The following YLPM1 variants were observed in gnomAD, a reference collection of about 807,000 sequenced individuals.
The protein encoded by YLPM1 is YLP motif containing 1.
Under a neutral mutation model 230.0 loss-of-function variants are expected in YLPM1, and 99 were observed. The observed-to-expected ratio is 0.43, with a 90% CI of 0.37 to 0.51. YLPM1 has a LOEUF of 0.51. Among genes scored for constraint, YLPM1 ranks in the 20% least tolerant of loss-of-function variants. The pLI, the probability that YLPM1 is intolerant of heterozygous loss-of-function variation, is 0.00. For synonymous variants in YLPM1, 984 were observed against 942.5 expected (o/e 1.04, Z -0.81); for missense variants, 2,592 against 2,707.7 (o/e 0.96, Z 0.95).
chr14:74,803,165 C>G (rs991325593), intron 6 of YLPM1, among the ~76,000 whole-genome samples: 7 of 151,744 alleles, frequency 4.6e-5, no homozygotes, highest in African/African-American at 1.7e-4. Flanking sequence ...TGCTTCCTAC[C>G]TCTTCAGGCT....
intron 15 of YLPM1, 103 bp from the exon 16 acceptor site, chr14:74,818,128 T>A: frequency 2.0e-6 from 1 of 512,218 alleles, no homozygotes; most frequent in Non-Finnish European, 3.1e-6. Context: ...TAATTAATAT[T>A]TAACAATATT....
chr14:74,784,037 C>T (rs1346088731), intron 4 of YLPM1, among the ~76,000 whole-genome samples: 3 of 152,210 alleles, frequency 2.0e-5, no homozygotes, highest in African/African-American at 7.2e-5. Flanking sequence ...CAAGCCTATA[C>T]TGTCAGTGCT....
At chr14:74,789,543 T>G (rs534678102) in intron 4 of YLPM1, among the ~76,000 whole-genome samples, 1 of 152,012 alleles carries the variant, frequency 6.6e-6, no homozygotes, top group Non-Finnish European at 1.5e-5. Context: ...AAGGGCCAGG[T>G]GGTAAATATT....
At chr14:74,779,457 C>T (rs777925846) in intron 2 of YLPM1, among the ~76,000 whole-genome samples, 1 of 152,122 alleles carries the variant, frequency 6.6e-6, no homozygotes, top group Non-Finnish European at 1.5e-5. Flanking sequence ...TAATTCTTGT[C>T]ACTCAGCTTA....
Position 74,763,416 on chromosome 14 carries a change from C to A in YLPM1, c.-74C>A. On this transcript the variant is annotated 5_prime_UTR_variant, in exon 1 of 21. Coordinates refer to ENST00000325680, the MANE Select transcript of YLPM1 (RefSeq NM_019589.3). Reference sequence around the variant, plus strand: ...CGCCGCGAGTTCCGGCTGTCGCCGTCGCCGCCGCGGCTCCTGGAGGTCGGT... The same window carrying A: ...CGCCGCGAGTTCCGGCTGTCGCCGTAGCCGCCGCGGCTCCTGGAGGTCGGT... 7.3e-7 allele frequency: 1 copy of A among 1,373,558 alleles called. No homozygotes were observed. Among genetic ancestry groups the A allele is most frequent in the Non-Finnish European group, 9.5e-7 (1 of 1,056,236 alleles). The allele number at this position is 1,373,558 out of a possible 1,614,324, so 85.1% of individuals were successfully genotyped here.
chr14:74,778,261 G>A (rs1227701718), intron 1 of YLPM1, among the ~76,000 whole-genome samples, 186 bp from the exon 2 acceptor site: 1 of 152,130 alleles, frequency 6.6e-6, no homozygotes, highest in Non-Finnish European at 1.5e-5. Flanking sequence ...ATTTGGGGGA[G>A]GAACTGAAAT....
At chr14:74,811,027 A>C (rs569361947) in intron 9 of YLPM1, among the ~76,000 whole-genome samples, 1 of 151,844 alleles carries the variant, frequency 6.6e-6, no homozygotes, top group South Asian at 2.1e-4. Context: ...TGGTTTCACC[A>C]TGTTGCCCAG....
Position 74,799,052 on chromosome 14 carries a change from C to T in YLPM1, c.3755C>T (p.Pro1252Leu), listed in dbSNP as rs1431029689. Residue 1252 changes from proline to leucine, a missense_variant, in exon 5 of 21, where the codon CCA becomes CTA. This residue lies in a region of YLPM1 where 1,862 missense variants were observed against 1,819.8 expected (regional missense o/e 1.02). Coordinates refer to ENST00000325680, the MANE Select transcript of YLPM1 (RefSeq NM_019589.3). ...AGAGAGGACAGGTTCTCAGCACCACCATCTCGGTCTCATGATGGAGATAGG... is the reference window on the plus strand; with the variant it reads ...AGAGAGGACAGGTTCTCAGCACCACTATCTCGGTCTCATGATGGAGATAGG... ...YNREDRFSAPPSRSHDGDRRG... is the reference protein window; with the variant it reads ...YNREDRFSAPLSRSHDGDRRG... 3.7e-6 allele frequency: 6 copies of T among 1,613,848 alleles called. No individual in the cohort carries two copies. Among genetic ancestry groups the T allele is most frequent in the Non-Finnish European group, 5.1e-6 (6 of 1,179,888 alleles).
At chr14:74,831,289 C>T (rs540064488) in intron 19 of YLPM1, among the ~76,000 whole-genome samples, 1 of 152,244 alleles carries the variant, frequency 6.6e-6, no homozygotes, top group East Asian at 1.9e-4. Flanking sequence ...TTTTAAAATA[C>T]TGCAGATACT....
intron 18 of YLPM1, 146 bp from the exon 19 acceptor site, chr14:74,829,067 A>G: frequency 1.2e-6 from 1 of 822,478 alleles, no homozygotes. Context: ...CTCAGCCAAG[A>G]AGATAGTTTG....
chr14:74,779,684 C>G (rs2091074540), intron 2 of YLPM1, among the ~76,000 whole-genome samples: 2 of 150,478 alleles, frequency 1.3e-5, no homozygotes, highest in Non-Finnish European at 1.5e-5. Context: ...CTCTGTTGCC[C>G]AGGCTGGAGT....
intron 6 of YLPM1, among the ~76,000 whole-genome samples, chr14:74,804,097 C>T (rs985058136): frequency 5.3e-5 from 8 of 152,154 alleles, no homozygotes; most frequent in African/African-American, 1.7e-4. Flanking sequence ...GTAGAGGTTG[C>T]GGTGAGCCGA....
At chr14:74,834,314 T>C (rs957817580) in intron 19 of YLPM1, among the ~76,000 whole-genome samples, 3 of 152,184 alleles carry the variant, frequency 2.0e-5, no homozygotes, top group Admixed American at 2.0e-4. Context: ...TTGCCATGAA[T>C]TATATCAGTT....
In YLPM1 at chr14:74,810,435, A is replaced by G; in HGVS notation, c.5228+15A>G. On this transcript the variant is annotated intron_variant, in intron 9 of 20. Transcript: ENST00000325680. The stretch of plus-strand genomic sequence containing the variant: ...CGAGATGATAGGTATGCTATAAAAC[A>G]ATCTTTGCTAGGTGTACAAATTACT... The G allele has an allele frequency of 6.2e-7, 1 of 1,611,868 alleles. No individual in the cohort carries two copies. The highest frequency in any genetic ancestry group is 8.5e-7 in the Non-Finnish European group (1 of 1,178,870).
chr14:74,774,838 C>T (rs1485358715), intron 1 of YLPM1, among the ~76,000 whole-genome samples: 1 of 152,204 alleles, frequency 6.6e-6, no homozygotes, highest in Non-Finnish European at 1.5e-5. Flanking sequence ...GCCACTGCAC[C>T]TGGCCGAGGA....
chr14:74,776,096 A>G (rs1350930259), intron 1 of YLPM1, among the ~76,000 whole-genome samples: 1 of 152,166 alleles, frequency 6.6e-6, no homozygotes, highest in African/African-American at 2.4e-5. Flanking sequence ...ACCATGGGAA[A>G]TTATATAATA....
chr14:74,774,757 TG>T (rs2091016224), intron 1 of YLPM1, among the ~76,000 whole-genome samples: 3 of 151,926 alleles, frequency 2.0e-5, no homozygotes, highest in Non-Finnish European at 2.9e-5. Flanking sequence ...TTGGCCAGGC[TG>T]GTCTTGAACT....
At chr14:74,816,480 G>A (rs1429914713) in intron 12 of YLPM1, 91 bp from the exon 13 acceptor site, 1 of 1,456,138 alleles carries the variant, frequency 6.9e-7, no homozygotes, top group African/African-American at 1.4e-5. Context: ...CCAGAAGATT[G>A]TATATTATTT....
intron 18 of YLPM1, chr14:74,827,315 C>T (rs1017649082): frequency 4.1e-6 from 4 of 983,034 alleles, no homozygotes; most frequent in African/African-American, 3.5e-5. Context: ...CTGTAATTAA[C>T]ACCCCAGATT....
Sources: gnomAD v4.1 joint callset for allele counts (sites outside exome capture counted in the v4.1 genomes callset) on GRCh38, gnomAD v4.1.1 for gene constraint, gnomAD v4.1.1 regional missense constraint, MANE v1.5 for transcripts, NCBI Gene and HGNC (gene_info 2026-07-23, HGNC 2026-07-21) for gene names.